Variants in STK33 observed in about 807,000 individuals in gnomAD.
The protein encoded by STK33 is serine/threonine-protein kinase 33.
A neutral mutation model predicts 58.0 loss-of-function variants in STK33; 52 were observed. The ratio of observed to expected loss-of-function variants is 0.90; its 90% CI spans 0.72 to 1.13. The LOEUF (loss-of-function observed/expected upper bound fraction) is 1.13, where lower values mean the gene tolerates loss of function less well. Ranked by LOEUF, STK33 falls within the 50% of genes most tolerant of loss-of-function variation. The probability of loss-of-function intolerance (pLI) is 0.00; values close to 1 mark genes in which losing one functional copy is unlikely to be tolerated. For synonymous variants in STK33, 215 were observed against 200.1 expected (o/e 1.07, Z -0.63); for missense variants, 630 against 604.2 (o/e 1.04, Z -0.45).
chr11:8,586,130 T>C (rs2031558256), intron 1 of STK33, among the ~76,000 whole-genome samples: 1 of 149,236 alleles, frequency 6.7e-6, no homozygotes, highest in African/African-American at 2.5e-5. Context: ...GATGGGAGGA[T>C]GGCTTGAGCC....
chr11:8,453,189 G>C (rs576223608), intron 10 of STK33, among the ~76,000 whole-genome samples: 1 of 152,244 alleles, frequency 6.6e-6, no homozygotes, highest in Admixed American at 6.5e-5. Context: ...AACATGAGAA[G>C]TTGTATTTTG....
At chr11:8,454,185 T>C (rs563723619) in intron 10 of STK33, among the ~76,000 whole-genome samples, 40 of 152,340 alleles carry the variant, frequency 2.6e-4, no homozygotes, top group African/African-American at 9.1e-4. Context: ...TATTTCTAAA[T>C]TAACACATTT....
rs193095654 is a variant in STK33, at chr11:8,570,823, T to C, written c.-466+23260A>G. On this transcript the variant is annotated intron_variant, in intron 1 of 15. Transcript: ENST00000687296. ...TCATGGATGTGCACATATATAAAAA[T>C]CAAATTGTACACTTTAAGCATAGGT... is the stretch of plus-strand genomic sequence containing the variant. Among the ~76,000 whole-genome samples, 3 of 152,254 alleles carry C rather than the reference T, an allele frequency of 2.0e-5. No individual in the cohort carries two copies. The East Asian group carries it at 5.8e-4, about 29-fold the overall frequency.
intron 1 of STK33, among the ~76,000 whole-genome samples, chr11:8,499,395 A>G (rs7930918): frequency 0.26 from 39,657 of 152,030 alleles, 5,321 homozygotes; most frequent in South Asian, 0.33. Context: ...CAGTTAGAAT[A>G]GCGATCATTA....
At chr11:8,503,862 G>A (rs1191781819) in intron 1 of STK33, among the ~76,000 whole-genome samples, 1 of 152,024 alleles carries the variant, frequency 6.6e-6, no homozygotes, top group Non-Finnish European at 1.5e-5. Flanking sequence ...ATATAATAAA[G>A]GGACTCCCTC....
rs1946814308 is a variant in STK33 at position 8,455,974 on chromosome 11, C to G, written c.698-1142G>C. Among the ~76,000 whole-genome samples the G allele has an allele frequency of 1.3e-5, 2 of 152,154 alleles. 1 individual carries two copies. Among genetic ancestry groups the G allele is most frequent in the Admixed American group, 1.3e-4 (2 of 15,276 alleles). On this transcript the variant is annotated intron_variant, in intron 9 of 15. Coordinates refer to ENST00000687296, the MANE Select transcript of STK33 (RefSeq NM_001352389.2). Reference sequence around the variant, plus strand: ...ATTGTTTCCATTGCTCTTCTTGTCTCTTTTTACATAAATACCACACAGCTT... The same window carrying G: ...ATTGTTTCCATTGCTCTTCTTGTCTGTTTTTACATAAATACCACACAGCTT...
At chr11:8,583,543 G>A (rs566176797) in intron 1 of STK33, among the ~76,000 whole-genome samples, 70 of 152,080 alleles carry the variant, frequency 4.6e-4, no homozygotes, top group Non-Finnish European at 8.5e-4. Context: ...AGAAAGATAC[G>A]GGGAGGGTGG....
chr11:8,350,441 G>C, the STK33 span, among the ~76,000 whole-genome samples: 1 of 152,154 alleles, frequency 6.6e-6, no homozygotes, highest in Non-Finnish European at 1.5e-5. Context: ...GAGAAGCATC[G>C]GATGCCCCCG....
chr11:8,497,608 C>T (rs1208147353), intron 1 of STK33, among the ~76,000 whole-genome samples: 1 of 152,094 alleles, frequency 6.6e-6, no homozygotes, highest in Non-Finnish European at 1.5e-5. Context: ...GTAGCTGGGA[C>T]TACAGGCACA....
intron 4 of STK33, 134 bp from the exon 5 acceptor site, chr11:8,475,200 C>G: frequency 3.8e-6 from 1 of 261,204 alleles, no homozygotes; most frequent in Non-Finnish European, 7.1e-6. Context: ...GACCACAAAA[C>G]TGGTGAAAAG....
At chr11:8,491,216 T>C (rs1950584890) in intron 1 of STK33, among the ~76,000 whole-genome samples, 2 of 152,192 alleles carry the variant, frequency 1.3e-5, no homozygotes, top group African/African-American at 4.8e-5. Flanking sequence ...GACGAATAGC[T>C]AACTAGAATA....
chr11:8,361,877 G>A, the STK33 span, among the ~76,000 whole-genome samples: 1 of 152,218 alleles, frequency 6.6e-6, no homozygotes, highest in Non-Finnish European at 1.5e-5. This position sits in a 1 kb window ranked among gnomAD's most constrained non-coding sequence, Gnocchi z 4.8. Context: ...ATGTCAGTGG[G>A]CAGGAGCCTG....
intron 7 of STK33, among the ~76,000 whole-genome samples, chr11:8,463,126 A>G (rs1262346949): frequency 6.6e-6 from 1 of 152,080 alleles, no homozygotes; most frequent in Non-Finnish European, 1.5e-5. Flanking sequence ...CCATCATACT[A>G]TGCCCCACCC....
intron 14 of STK33, among the ~76,000 whole-genome samples, chr11:8,425,843 G>A (rs1415758195): frequency 6.6e-6 from 1 of 152,224 alleles, no homozygotes; most frequent in Admixed American, 6.5e-5. Flanking sequence ...GCAGTGGGGG[G>A]TGTGGCTCGC....
intron 15 of STK33, among the ~76,000 whole-genome samples, chr11:8,405,704 C>T (rs1939011575): frequency 6.6e-6 from 1 of 152,112 alleles, no homozygotes; most frequent in Non-Finnish European, 1.5e-5. Context: ...TTTAGTTCTA[C>T]CCTTCTCAAA....
intron 6 of STK33, among the ~76,000 whole-genome samples, chr11:8,467,998 CT>C (rs1339030634): frequency 6.6e-6 from 1 of 151,956 alleles, no homozygotes; most frequent in Non-Finnish European, 1.5e-5. Flanking sequence ...CAGCACCCCA[CT>C]TCTGGTACCA....
chr11:8,346,263 G>C, the STK33 span, among the ~76,000 whole-genome samples: 1 of 152,234 alleles, frequency 6.6e-6, no homozygotes, highest in Admixed American at 6.5e-5. Context: ...CACAGGAGGT[G>C]TTGCCCTTTA....
chr11:8,410,136 T>C (rs983765985), intron 15 of STK33, among the ~76,000 whole-genome samples: 1 of 152,172 alleles, frequency 6.6e-6, no homozygotes, highest in Non-Finnish European at 1.5e-5. Flanking sequence ...AAAATGTAAT[T>C]TTCAGGAAAA....
At chr11:8,364,932 C>A in the STK33 span, among the ~76,000 whole-genome samples, 1 of 151,192 alleles carries the variant, frequency 6.6e-6, no homozygotes, top group African/African-American at 2.4e-5. Context: ...TCATGTGACC[C>A]CCCCCGCCCC....
Sources: gnomAD v4.1 joint callset for allele counts (sites outside exome capture counted in the v4.1 genomes callset) on GRCh38, gnomAD v4.1.1 for gene constraint, Gnocchi (gnomAD v3.1) non-coding constraint, MANE v1.5 for transcripts, NCBI Gene and HGNC (gene_info 2026-07-23, HGNC 2026-07-21) for gene names.